Variants in TSPEAR observed in about 807,000 individuals in gnomAD.
The protein encoded by TSPEAR is thrombospondin type laminin G domain and EAR repeats, also known as thrombospondin-type laminin G domain and EAR repeat-containing protein.
In TSPEAR, 69 loss-of-function variants were observed where a neutral mutation model predicts 71.6. The observed-to-expected ratio is 0.96, with a 90% CI of 0.79 to 1.18. TSPEAR has a LOEUF of 1.18. Among genes scored for constraint, TSPEAR ranks in the 50% most tolerant of loss-of-function variants. The pLI, the probability that TSPEAR is intolerant of heterozygous loss-of-function variation, is 0.00. For synonymous variants in TSPEAR, 402 were observed against 387.2 expected, an observed-to-expected ratio of 1.04 and a Z score of -0.45; for missense variants, 971 against 894.9, an observed-to-expected ratio of 1.09 and a Z score of -1.09.
rs1457502168 is a variant in TSPEAR at position 44,498,688 on chromosome 21, ACT to A, written c.*1093_*1094del. The A allele has an allele frequency of 1.3e-5, 2 of 152,056 alleles. No homozygotes were observed. The highest frequency in any genetic ancestry group is 6.6e-5 in the Admixed American group (1 of 15,254). 9.4% of individuals were successfully genotyped at this position (152,056 alleles called of 1,614,324 possible). On this transcript the variant is annotated 3_prime_UTR_variant, in exon 12 of 12. Coordinates refer to ENST00000323084, the MANE Select transcript of TSPEAR (RefSeq NM_144991.3). ...GATTGGCGGAAAAAGCACATTGTAA[ACT>A]CTCTGAGGATCGCTCCTGTTCCGAT...
intron 1 of TSPEAR, among the ~76,000 whole-genome samples, chr21:44,696,005 C>T (rs554538029): frequency 1.0e-3 from 159 of 152,256 alleles, no homozygotes; most frequent in African/African-American, 3.5e-3. Context: ...CAAAGGCTGC[C>T]GAATGTCTTC....
At chr21:44,566,826 A>G (rs2053709398) in intron 2 of TSPEAR, among the ~76,000 whole-genome samples, 1 of 152,160 alleles carries the variant, frequency 6.6e-6, no homozygotes, top group Admixed American at 6.5e-5. Context: ...AAAGAACAAA[A>G]TTGACCCCCT....
chr21:44,528,643 C>G, intron 5 of TSPEAR, 60 bp from the exon 6 acceptor site: 1 of 1,592,492 alleles, frequency 6.3e-7, no homozygotes, highest in Non-Finnish European at 8.6e-7. Context: ...AGGAAGACGA[C>G]ACAGGAAGAG....
At chr21:44,664,528 C>T (rs1985652481) in intron 1 of TSPEAR, among the ~76,000 whole-genome samples, 2 of 152,170 alleles carry the variant, frequency 1.3e-5, no homozygotes, top group Admixed American at 6.5e-5. Flanking sequence ...ATCAAAATCT[C>T]AGCACAAATT....
In TSPEAR at chr21:44,593,183, C is replaced by G. The variant is rs1555927176; in HGVS notation, c.83-25178G>C. ...TTGGACAGCATGACAGCCTTCTGGGCTGTGGTTTTGGGTTCTGAACCTGCA... is the reference window on the plus strand; with the variant it reads ...TTGGACAGCATGACAGCCTTCTGGGGTGTGGTTTTGGGTTCTGAACCTGCA... On this transcript the variant is annotated intron_variant, in intron 1 of 11. Coordinates refer to ENST00000323084, the MANE Select transcript of TSPEAR (RefSeq NM_144991.3). This position sits in a 1 kb window ranked among gnomAD's most constrained non-coding sequence, Gnocchi z 5.9. 6.6e-6 allele frequency among the ~76,000 whole-genome samples: 1 copy of G among 152,214 alleles called. No homozygotes were observed. The highest frequency in any genetic ancestry group is 1.5e-5 in the Non-Finnish European group (1 of 68,032).
At chr21:44,571,623 T>C (rs2053798213) in intron 1 of TSPEAR, among the ~76,000 whole-genome samples, 1 of 152,012 alleles carries the variant, frequency 6.6e-6, no homozygotes, top group African/African-American at 2.4e-5. Context: ...AGGGCAAATC[T>C]GAGATGAACT....
At chr21:44,676,148 A>AC in intron 1 of TSPEAR, 1 of 941,512 alleles carries the variant, frequency 1.1e-6, no homozygotes, top group Non-Finnish European at 1.8e-6. Context: ...AGAAGCAGGG[A>AC]CTGCAGGTAG....
intron 1 of TSPEAR, among the ~76,000 whole-genome samples, chr21:44,633,193 T>C (rs1463006458): frequency 6.6e-6 from 1 of 152,204 alleles, no homozygotes; most frequent in African/African-American, 2.4e-5. Flanking sequence ...GTTGGTTCCA[T>C]TGTTTTTCTA....
rs782654568 is a variant in TSPEAR, at chr21:44,580,320, C to T, written c.83-12315G>A. 3.1e-6 allele frequency: 5 copies of T among 1,600,790 alleles called. No homozygotes were observed. The East Asian group carries it at 1.1e-4, about 36-fold the overall frequency. On this transcript the variant is annotated intron_variant, in intron 1 of 11. Coordinates refer to ENST00000323084, the MANE Select transcript of TSPEAR (RefSeq NM_144991.3). ...TTGCAGCAGACGGGCACGCAGCAGGCCTGCTGGCAGGGGGAGGAGGCGCAG... is the reference window on the plus strand; with the variant it reads ...TTGCAGCAGACGGGCACGCAGCAGGTCTGCTGGCAGGGGGAGGAGGCGCAG...
At chr21:44,579,660 G>T (rs1365568509) in intron 1 of TSPEAR, 3 of 1,456,646 alleles carry the variant, frequency 2.1e-6, no homozygotes, top group African/African-American at 2.8e-5. Flanking sequence ...CAGCACATGG[G>T]GGCCCCGTCC....
At chr21:44,510,420 C>A (rs1191712771) in intron 9 of TSPEAR, among the ~76,000 whole-genome samples, 4 of 152,224 alleles carry the variant, frequency 2.6e-5, no homozygotes, top group Non-Finnish European at 5.9e-5. Flanking sequence ...CCCGTGACAG[C>A]AACCACTGGG....
intron 1 of TSPEAR, among the ~76,000 whole-genome samples, chr21:44,688,345 A>T (rs1231255502): frequency 2.0e-5 from 3 of 152,180 alleles, no homozygotes; most frequent in Admixed American, 1.3e-4. Flanking sequence ...GACCCAGCCC[A>T]CCATTCCCAT....
At chr21:44,682,074 G>A in intron 1 of TSPEAR, 2 of 1,614,008 alleles carry the variant, frequency 1.2e-6, no homozygotes, top group African/African-American at 1.3e-5. Context: ...GCAGGGGCTG[G>A]GCGCGCAGCA....
At chr21:44,555,472 C>T (rs1327924621) in intron 2 of TSPEAR, among the ~76,000 whole-genome samples, 3 of 152,180 alleles carry the variant, frequency 2.0e-5, no homozygotes, top group African/African-American at 7.2e-5. Context: ...CAGCCTGGCT[C>T]AGGACTCCCT....
chr21:44,707,789 T>C (rs1988010294), intron 1 of TSPEAR, among the ~76,000 whole-genome samples: 1 of 151,950 alleles, frequency 6.6e-6, no homozygotes, highest in Non-Finnish European at 1.5e-5. Flanking sequence ...TCTCTATAGG[T>C]GGCGGTCATT....
chr21:44,540,940 T>C (rs1555917166), intron 2 of TSPEAR, among the ~76,000 whole-genome samples: 1 of 152,218 alleles, frequency 6.6e-6, no homozygotes, highest in Non-Finnish European at 1.5e-5. Context: ...GCTTCAACCA[T>C]AGATAACTCA....
chr21:44,519,935 C>T (rs964396378), intron 9 of TSPEAR: 1 of 152,354 alleles, frequency 6.6e-6, no homozygotes, highest in Non-Finnish European at 1.5e-5. Flanking sequence ...CCACCTACCT[C>T]CTGAGGCTGT....
chr21:44,523,574 TCGTC>T (rs1555914590), intron 8 of TSPEAR, among the ~76,000 whole-genome samples: 1 of 151,424 alleles, frequency 6.6e-6, no homozygotes. Flanking sequence ...GTCAGTTAGG[TCGTC>T]AGTCAGTCAG....
At chr21:44,707,302 T>TGGG (rs781918079) in intron 1 of TSPEAR, among the ~76,000 whole-genome samples, 9,281 of 134,748 alleles carry the variant, frequency 0.069, 516 homozygotes, top group African/African-American at 0.083. Flanking sequence ...GGACGCGGGG[T>TGGG]GGGGGGGGGT....
Sources: allele counts gnomAD v4.1 joint callset (sites outside exome capture counted in the v4.1 genomes callset), GRCh38; gene constraint gnomAD v4.1.1; non-coding constraint Gnocchi (gnomAD v3.1); transcripts MANE v1.5; gene names NCBI Gene and HGNC (gene_info 2026-07-23, HGNC 2026-07-21).